RBM33: variants seen among roughly 807,000 people sequenced by gnomAD.
RBM33 encodes RNA binding motif protein 33, also known as RNA-binding protein 33.
In RBM33, 28 loss-of-function variants were observed where a neutral mutation model predicts 132.6. The observed-to-expected ratio is 0.21, with a 90% CI of 0.16 to 0.29. RBM33 has a LOEUF of 0.29. RBM33 is among the 10% of genes least tolerant of loss of function. The pLI is 1.00. For synonymous variants in RBM33, 634 were observed against 593.0 expected (o/e 1.07, Z -1.01); for missense variants, 1,291 against 1,518.5 (o/e 0.85, Z 2.49).
At chr7:155,721,374 C>G (rs766887165) in intron 9 of RBM33, among the ~76,000 whole-genome samples, 2 of 152,030 alleles carry the variant, frequency 1.3e-5, no homozygotes, top group Non-Finnish European at 2.9e-5. Context: ...ATTAGGAGCC[C>G]TACATAGAAT....
chr7:155,764,337 A>AT (rs1246325301), intron 15 of RBM33, among the ~76,000 whole-genome samples: 13 of 152,298 alleles, frequency 8.5e-5, no homozygotes, highest in African/African-American at 2.9e-4. Context: ...GCGTGTCAGC[A>AT]TGCTTTCCTT....
intron 5 of RBM33, among the ~76,000 whole-genome samples, chr7:155,700,302 C>T (rs1167241012): frequency 6.6e-6 from 1 of 152,130 alleles, no homozygotes; most frequent in Non-Finnish European, 1.5e-5. Flanking sequence ...CACATTTGGA[C>T]TGCTTGTCTG....
chr7:155,769,744 C>T (rs1802353089), intron 16 of RBM33, among the ~76,000 whole-genome samples: 1 of 151,704 alleles, frequency 6.6e-6, no homozygotes, highest in Non-Finnish European at 1.5e-5. Flanking sequence ...ATGTTGGAAT[C>T]TTGAGTGAGC....
chr7:155,676,388 C>T (rs919625448), intron 3 of RBM33, among the ~76,000 whole-genome samples: 6 of 152,178 alleles, frequency 3.9e-5, no homozygotes, highest in African/African-American at 7.2e-5. Flanking sequence ...TTCATCAACT[C>T]GTGTTGGACA....
chr7:155,701,374 CT>C, intron 6 of RBM33: 2 of 191,992 alleles, frequency 1.0e-5, no homozygotes, highest in African/African-American at 2.3e-5. Context: ...ATAGCTATAT[CT>C]TTTTTTGTGT....
intron 14 of RBM33, among the ~76,000 whole-genome samples, chr7:155,762,920 G>A (rs1437038961): frequency 2.0e-5 from 3 of 152,172 alleles, no homozygotes; most frequent in Admixed American, 6.5e-5. Flanking sequence ...GGTGTCTGCC[G>A]TCCTTGCTGT....
intron 1 of RBM33, among the ~76,000 whole-genome samples, chr7:155,661,700 A>G (rs1472634479): frequency 6.6e-6 from 1 of 151,920 alleles, no homozygotes; most frequent in African/African-American, 2.4e-5. Context: ...GAGCCACTGC[A>G]CCTGGCCTGT....
At chr7:155,672,479 G>A (rs370945990) in intron 2 of RBM33, among the ~76,000 whole-genome samples, 5 of 152,252 alleles carry the variant, frequency 3.3e-5, no homozygotes, top group South Asian at 2.1e-4. Context: ...CAAGCTGGCC[G>A]GGCATGGTGG....
At chr7:155,687,658 G>T (rs1374621449) in intron 5 of RBM33, among the ~76,000 whole-genome samples, 1 of 152,176 alleles carries the variant, frequency 6.6e-6, no homozygotes, top group Non-Finnish European at 1.5e-5. Flanking sequence ...TTCGTATAAG[G>T]TGTAAGGAAG....
Position 155,766,479 on chromosome 7 carries a change from G to A in RBM33, c.3199G>A (p.Gly1067Arg), listed in dbSNP as rs1373534159. 6.2e-6 allele frequency: 10 copies of A among 1,613,316 alleles called. No individual in the cohort carries two copies. Among genetic ancestry groups the A allele is most frequent in the Non-Finnish European group, 7.6e-6 (9 of 1,179,782 alleles). Residue 1067 changes from glycine (G) to arginine (R), a missense_variant, in exon 16 of 18, where the codon GGA (glycine) becomes AGA (arginine). By Grantham distance (125) the Gly-to-Arg change is moderately radical. Around this residue, in one of 7 missense-constraint regions of RBM33, gnomAD observed 841 missense variants for 912.0 expected, o/e 0.92. Transcript: ENST00000401878. ...TTGTTGTCACCAGGCCATCATGCAC[G>A]GACGAGGCAGAGGAGTGGCCGGTCC... ...IHPAKKAIMH[G>R]RGRGVAGPMG...
intron 13 of RBM33, among the ~76,000 whole-genome samples, chr7:155,743,713 G>T (rs1303920755): frequency 1.3e-5 from 2 of 152,116 alleles, no homozygotes; most frequent in African/African-American, 4.8e-5. Context: ...CTTATTTGGA[G>T]GTCTTTTCAA....
chr7:155,767,247 C>G (rs925464740), intron 16 of RBM33, among the ~76,000 whole-genome samples: 1 of 152,250 alleles, frequency 6.6e-6, no homozygotes, highest in South Asian at 2.1e-4. Context: ...AACTCCTGGT[C>G]TCTGTAGGCT....
intron 11 of RBM33, chr7:155,739,503 A>C: frequency 1.7e-6 from 1 of 588,530 alleles, no homozygotes. Flanking sequence ...TCAATCCTAG[A>C]ATTACTGGAT....
chr7:155,694,789 G>A (rs1799746677), intron 5 of RBM33, among the ~76,000 whole-genome samples: 1 of 152,036 alleles, frequency 6.6e-6, no homozygotes, highest in Non-Finnish European at 1.5e-5. Context: ...TACCCCATTT[G>A]TTCATTCTCC....
chr7:155,694,794 TTC>T (rs1397181298), intron 5 of RBM33, among the ~76,000 whole-genome samples: 1 of 152,220 alleles, frequency 6.6e-6, no homozygotes, highest in Non-Finnish European at 1.5e-5. Context: ...CATTTGTTCA[TTC>T]TCCCAATGAT....
At chr7:155,734,851 G>A (rs1311528589) in intron 9 of RBM33, among the ~76,000 whole-genome samples, 1 of 152,054 alleles carries the variant, frequency 6.6e-6, no homozygotes, top group African/African-American at 2.4e-5. Flanking sequence ...AGCAGAGGCA[G>A]GCAGTTGTTT....
intron 1 of RBM33, among the ~76,000 whole-genome samples, chr7:155,664,596 A>T (rs1798748781): frequency 6.6e-6 from 1 of 152,068 alleles, no homozygotes; most frequent in Non-Finnish European, 1.5e-5. Flanking sequence ...AATATTTTGG[A>T]TATAGTATGT....
intron 5 of RBM33, among the ~76,000 whole-genome samples, chr7:155,688,432 T>A (rs1799538055): frequency 6.6e-6 from 1 of 152,182 alleles, no homozygotes; most frequent in Admixed American, 6.5e-5. Flanking sequence ...ACAGGGACAA[T>A]TTGACTTCCT....
intron 8 of RBM33, among the ~76,000 whole-genome samples, chr7:155,715,641 C>G (rs1251877605): frequency 6.6e-6 from 1 of 152,220 alleles, no homozygotes; most frequent in Non-Finnish European, 1.5e-5. Flanking sequence ...CCGCATGTCC[C>G]TTATCTGTCA....
Sources: allele counts gnomAD v4.1 joint callset (sites outside exome capture counted in the v4.1 genomes callset), GRCh38; gene constraint gnomAD v4.1.1; regional missense constraint gnomAD v4.1.1; transcripts MANE v1.5; gene names NCBI Gene and HGNC (gene_info 2026-07-23, HGNC 2026-07-21).